PDZRN4: variants seen among roughly 807,000 people sequenced by gnomAD.
PDZRN4 encodes PDZ domain containing ring finger 4, also known as PDZ domain-containing RING finger protein 4.
A neutral mutation model predicts 99.0 loss-of-function variants in PDZRN4; 70 were observed. That is an observed-to-expected ratio of 0.71 (90% CI 0.58 to 0.86). The LOEUF (loss-of-function observed/expected upper bound fraction) is 0.86, where lower values mean the gene tolerates loss of function less well. Ranked by LOEUF, PDZRN4 falls within the 40% of genes least tolerant of loss-of-function variation. PDZRN4 has a pLI of 0.00. For missense variants in PDZRN4, 1,474 were observed against 1,331.2 expected (o/e 1.11, Z -1.67); for synonymous variants, 551 against 501.6 (o/e 1.10, Z -1.32).
At chr12:41,390,988 C>T (rs1182614928) in intron 3 of PDZRN4, among the ~76,000 whole-genome samples, 1 of 152,120 alleles carries the variant, frequency 6.6e-6, no homozygotes, top group African/African-American at 2.4e-5. Context: ...AATGGTATCT[C>T]CCCACTATCA....
chr12:41,267,279 G>A (rs192739941), intron 3 of PDZRN4, among the ~76,000 whole-genome samples: 8 of 152,268 alleles, frequency 5.3e-5, no homozygotes, highest in African/African-American at 1.9e-4. Flanking sequence ...CTGTGCCTGT[G>A]GCAGACATTG....
At chr12:41,446,026 T>G (rs1952724659) in intron 3 of PDZRN4, among the ~76,000 whole-genome samples, 8 of 152,060 alleles carry the variant, frequency 5.3e-5, no homozygotes, top group Admixed American at 5.3e-4. Flanking sequence ...ATACTAGCCT[T>G]AAAAGGGTTA....
chr12:41,330,093 A>T (rs944081394), intron 3 of PDZRN4, among the ~76,000 whole-genome samples: 1 of 152,136 alleles, frequency 6.6e-6, no homozygotes, highest in African/African-American at 2.4e-5. Context: ...CATAACAATG[A>T]ATAATTTAGG....
At chr12:41,279,349 T>C (rs1034136427) in intron 3 of PDZRN4, among the ~76,000 whole-genome samples, 26 of 152,250 alleles carry the variant, frequency 1.7e-4, no homozygotes, top group African/African-American at 6.0e-4. Context: ...TCAGCTTTGA[T>C]TTTGTTTACA....
At chr12:41,293,080 G>C (rs1167870733) in intron 3 of PDZRN4, among the ~76,000 whole-genome samples, 1 of 150,984 alleles carries the variant, frequency 6.6e-6, no homozygotes, top group African/African-American at 2.4e-5. Flanking sequence ...TAGGAGGGAC[G>C]CTGGAGAACA....
At position 41,188,894 on chromosome 12, in the gene PDZRN4, GGGGGGCCGCC is replaced by G; in HGVS notation, c.443_452del (p.Gly148AlafsTer77). 9.1e-7 allele frequency: 1 copy of G among 1,099,708 alleles called. No homozygotes were observed. The highest frequency in any genetic ancestry group is 4.3e-5 in the South Asian group (1 of 23,218). 68.1% of individuals were successfully genotyped at this position (1,099,708 alleles called of 1,614,324 possible). A position where few individuals can be genotyped will look rare whatever the true frequency, so the allele number is the denominator to read the frequency against. On this transcript the variant is annotated frameshift_variant, in exon 1 of 10. Transcript: ENST00000402685. LOFTEE classifies it high-confidence loss of function. Reference sequence around the variant, plus strand: ...GGCTGGCCGGGGCGGGGGCGCGCGCGGGGGGCCGCCGGGCGGCCGCTGGGGCCGCGGGCGG... The same window carrying G: ...GGCTGGCCGGGGCGGGGGCGCGCGCGGGGCGGCCGCTGGGGCCGCGGGCGG...
At chr12:41,378,705 T>C (rs1952100269) in intron 3 of PDZRN4, among the ~76,000 whole-genome samples, 1 of 152,000 alleles carries the variant, frequency 6.6e-6, no homozygotes, top group South Asian at 2.1e-4. Context: ...CTATTTTTAG[T>C]AGAGATGGGG....
At chr12:41,569,164 G>A (rs2120852621) in intron 9 of PDZRN4, among the ~76,000 whole-genome samples, 1 of 151,138 alleles carries the variant, frequency 6.6e-6, no homozygotes, top group South Asian at 2.1e-4. Context: ...CTGTCGCCCA[G>A]GCTGGAGTGC....
At chr12:41,476,883 C>T (rs148528227) in intron 3 of PDZRN4, among the ~76,000 whole-genome samples, 57 of 152,336 alleles carry the variant, frequency 3.7e-4, no homozygotes, top group Non-Finnish European at 6.3e-4. Context: ...TCTGCCAAGA[C>T]ATTTATCAGT....
chr12:41,501,784 T>C (rs967471668), intron 3 of PDZRN4, among the ~76,000 whole-genome samples: 5 of 152,176 alleles, frequency 3.3e-5, no homozygotes, highest in African/African-American at 1.2e-4. Flanking sequence ...ATATAATCTT[T>C]AAGGATATTT....
At chr12:41,436,079 A>G (rs1952626596) in intron 3 of PDZRN4, among the ~76,000 whole-genome samples, 1 of 152,200 alleles carries the variant, frequency 6.6e-6, no homozygotes, top group Non-Finnish European at 1.5e-5. Context: ...TACCTTTTTG[A>G]AAACATTCTT....
chr12:41,241,342 G>C (rs988967483), intron 3 of PDZRN4, among the ~76,000 whole-genome samples: 1 of 151,314 alleles, frequency 6.6e-6, no homozygotes, highest in Non-Finnish European at 1.5e-5. Flanking sequence ...GTGTTTGGTT[G>C]TTAATTTTGT....
intron 3 of PDZRN4, among the ~76,000 whole-genome samples, chr12:41,284,824 G>A (rs1343227386): frequency 6.6e-6 from 1 of 152,012 alleles, no homozygotes; most frequent in Non-Finnish European, 1.5e-5. Flanking sequence ...ACTGAAACTG[G>A]ACCCCTTGCT....
intron 9 of PDZRN4, among the ~76,000 whole-genome samples, chr12:41,571,376 TCACA>T (rs147910134): frequency 0.031 from 2,048 of 65,244 alleles, 66 homozygotes; most frequent in East Asian, 0.2. Context: ...TCTCTCTCTC[TCACA>T]CACACACACA....
chr12:41,439,459 T>G (rs1025477280), intron 3 of PDZRN4, among the ~76,000 whole-genome samples: 1 of 152,180 alleles, frequency 6.6e-6, no homozygotes, highest in Non-Finnish European at 1.5e-5. Flanking sequence ...TCTGAATTAC[T>G]AAATTTATAT....
At chr12:41,229,464 A>C (rs953391256) in intron 3 of PDZRN4, among the ~76,000 whole-genome samples, 3 of 152,080 alleles carry the variant, frequency 2.0e-5, no homozygotes, top group African/African-American at 7.2e-5. Flanking sequence ...CATTTCAAGT[A>C]AGCATGAGTA....
intron 3 of PDZRN4, among the ~76,000 whole-genome samples, chr12:41,329,627 C>T (rs762761110): frequency 2.0e-5 from 3 of 151,978 alleles, no homozygotes; most frequent in Non-Finnish European, 2.9e-5. Flanking sequence ...TGTTAATGTG[C>T]ATTTTTTCTT....
In PDZRN4 at chr12:41,226,623, C is replaced by T. The variant is rs566708851; in HGVS notation, c.843+32435C>T. On this transcript the variant is annotated intron_variant, in intron 3 of 9. Transcript: ENST00000402685. The stretch of plus-strand genomic sequence containing the variant: ...TCATAGAGTCAAGCACAGATCCTCC[C>T]GATTTTAAATGTAGCTCTGATGTAT... Among the ~76,000 whole-genome samples, 5 of 152,038 alleles carry T rather than the reference C, an allele frequency of 3.3e-5. No homozygotes were observed. In the East Asian group the frequency reaches 5.8e-4, roughly 18 times the overall value.
At chr12:41,307,569 T>C (rs1951579662) in intron 3 of PDZRN4, among the ~76,000 whole-genome samples, 2 of 151,770 alleles carry the variant, frequency 1.3e-5, no homozygotes, top group African/African-American at 4.8e-5. Context: ...AAGCAAAAGA[T>C]GAGGAGATCC....
Sources: allele counts gnomAD v4.1 joint callset (sites outside exome capture counted in the v4.1 genomes callset), GRCh38; gene constraint gnomAD v4.1.1; transcripts MANE v1.5; gene names NCBI Gene and HGNC (gene_info 2026-07-23, HGNC 2026-07-21).